The following SLC10A7 variants were observed in gnomAD, a reference collection of about 807,000 sequenced individuals.
SLC10A7 encodes sodium/bile acid cotransporter 7.
A neutral mutation model predicts 43.2 loss-of-function variants in SLC10A7; 29 were observed. The observed-to-expected ratio is 0.67, with a 90% CI of 0.50 to 0.92. The LOEUF (loss-of-function observed/expected upper bound fraction) is 0.92, where lower values mean the gene tolerates loss of function less well. Ranked by LOEUF, SLC10A7 falls within the 40% of genes least tolerant of loss-of-function variation. SLC10A7 has a pLI of 0.00. For synonymous variants in SLC10A7, 152 were observed against 144.8 expected (o/e 1.05, Z -0.35); for missense variants, 295 against 403.2 (o/e 0.73, Z 2.30).
intron 9 of SLC10A7, among the ~76,000 whole-genome samples, chr4:146,288,021 T>C (rs985167380): frequency 2.0e-5 from 3 of 152,180 alleles, no homozygotes; most frequent in African/African-American, 7.2e-5. Flanking sequence ...AAGATACGCT[T>C]ACTTGTCCTC....
chr4:146,333,910 A>G (rs1007358640), intron 5 of SLC10A7, among the ~76,000 whole-genome samples: 1 of 152,160 alleles, frequency 6.6e-6, no homozygotes, highest in South Asian at 2.1e-4. Flanking sequence ...GACTCCAGGC[A>G]GAAGATGATC....
At chr4:146,508,759 T>C (rs1347933221) in intron 3 of SLC10A7, among the ~76,000 whole-genome samples, 1 of 152,194 alleles carries the variant, frequency 6.6e-6, no homozygotes, top group Non-Finnish European at 1.5e-5. Flanking sequence ...CTATCTCTTC[T>C]ACACATAGCT....
intron 6 of SLC10A7, among the ~76,000 whole-genome samples, chr4:146,314,599 G>A (rs939534567): frequency 2.2e-4 from 33 of 152,240 alleles, no homozygotes; most frequent in Admixed American, 1.3e-4. Context: ...TGAGCATGTA[G>A]GCCAATGTTT....
chr4:146,455,635 G>T (rs75205351), intron 4 of SLC10A7, among the ~76,000 whole-genome samples: 22 of 151,680 alleles, frequency 1.5e-4, no homozygotes, highest in African/African-American at 5.1e-4. Context: ...CCATCTTCTG[G>T]GAAATAACTT....
chr4:146,284,455 C>T (rs1173682022), intron 9 of SLC10A7, among the ~76,000 whole-genome samples: 1 of 152,128 alleles, frequency 6.6e-6, no homozygotes, highest in African/African-American at 2.4e-5. Flanking sequence ...CTCAACTCCC[C>T]GCCGGGTTCC....
At chr4:146,498,184 C>A (rs1490123847) in intron 4 of SLC10A7, among the ~76,000 whole-genome samples, 1 of 151,218 alleles carries the variant, frequency 6.6e-6, no homozygotes, top group East Asian at 1.9e-4. Flanking sequence ...ATGGCACAAT[C>A]TTGGCTCACT....
chr4:146,481,043 C>T (rs1415410236), intron 4 of SLC10A7, among the ~76,000 whole-genome samples: 1 of 152,118 alleles, frequency 6.6e-6, no homozygotes, highest in East Asian at 1.9e-4. Context: ...GGTGACACCG[C>T]ATCCTGCCCA....
At chr4:146,356,420 C>G (rs2149755866) in intron 5 of SLC10A7, among the ~76,000 whole-genome samples, 1 of 152,232 alleles carries the variant, frequency 6.6e-6, no homozygotes, top group South Asian at 2.1e-4. Context: ...CTTTGTCACT[C>G]AATTGCATTT....
intron 2 of SLC10A7, chr4:146,514,831 A>C (rs1737800469): frequency 3.1e-6 from 1 of 322,016 alleles, no homozygotes; most frequent in Admixed American, 4.8e-5. Flanking sequence ...AGCAGGCTTT[A>C]GAAGTGGTTT....
Position 146,521,890 on chromosome 4 carries a change from T to C in SLC10A7, c.-173A>G. 6.7e-6 allele frequency: 4 copies of C among 593,082 alleles called. No individual in the cohort carries two copies. The highest frequency in any genetic ancestry group is 3.0e-5 in the Admixed American group (1 of 33,018). 36.7% of individuals were successfully genotyped at this position (593,082 alleles called of 1,614,324 possible). On this transcript the variant is annotated 5_prime_UTR_variant, in exon 1 of 12. Coordinates refer to ENST00000335472, the MANE Select transcript of SLC10A7 (RefSeq NM_001029998.6). Reference sequence around the variant, plus strand: ...GACCTGGGGGTTGCTCCGGCGGCTTTGAGGAGGGTTGGGAGTAGTAGTAGC... The same window carrying C: ...GACCTGGGGGTTGCTCCGGCGGCTTCGAGGAGGGTTGGGAGTAGTAGTAGC...
At chr4:146,519,107 ATATAT>A (rs1560991803) in intron 1 of SLC10A7, among the ~76,000 whole-genome samples, 998 of 30,354 alleles carry the variant, frequency 0.033, 108 homozygotes, top group African/African-American at 0.088. Context: ...ATATATATAT[ATATAT>A]AATATAATAT....
intron 5 of SLC10A7, among the ~76,000 whole-genome samples, chr4:146,350,039 C>G (rs1734927347): frequency 6.6e-6 from 1 of 151,830 alleles, no homozygotes; most frequent in Admixed American, 6.6e-5. Context: ...CCAAGATGGC[C>G]GAATAGGAAC....
intron 4 of SLC10A7, among the ~76,000 whole-genome samples, chr4:146,479,125 T>C (rs1734256479): frequency 1.3e-5 from 2 of 152,174 alleles, no homozygotes; most frequent in Admixed American, 6.5e-5. Flanking sequence ...TTGGATAATG[T>C]ATAAAATCAA....
At position 146,253,997 on chromosome 4, in the gene SLC10A7, A is replaced by ATTC. The variant is rs1214658800; in HGVS notation, c.*2491_*2493dup. 6.6e-6 allele frequency: 1 copy of ATTC among 152,242 alleles called. No homozygotes were observed. The highest frequency in any genetic ancestry group is 2.4e-5 in the African/African-American group (1 of 41,468). 9.4% of individuals were successfully genotyped at this position (152,242 alleles called of 1,614,324 possible). A position where few individuals can be genotyped will look rare whatever the true frequency, so the allele number is the denominator to read the frequency against. ...CAGTTTCTCTTGTGATTTCTGAAACATTCTTTGTTTAATCATATAATTATT... is the reference window on the plus strand; with the variant it reads ...CAGTTTCTCTTGTGATTTCTGAAACATTCTTCTTTGTTTAATCATATAATTATT... On this transcript the variant is annotated 3_prime_UTR_variant, in exon 12 of 12. Transcript: ENST00000335472.
intron 5 of SLC10A7, among the ~76,000 whole-genome samples, chr4:146,380,658 A>G (rs908820342): frequency 1.3e-5 from 2 of 152,176 alleles, no homozygotes; most frequent in Admixed American, 6.6e-5. Flanking sequence ...AATGTAGGCG[A>G]TCCATTGAGA....
chr4:146,374,794 T>C (rs1737067325), intron 5 of SLC10A7, among the ~76,000 whole-genome samples: 1 of 152,152 alleles, frequency 6.6e-6, no homozygotes, highest in African/African-American at 2.4e-5. Flanking sequence ...ATGCTATGAT[T>C]TTCTCAGAAG....
At chr4:146,429,042 C>A (rs1390443523) in intron 5 of SLC10A7, among the ~76,000 whole-genome samples, 1 of 152,034 alleles carries the variant, frequency 6.6e-6, no homozygotes, top group Non-Finnish European at 1.5e-5. Context: ...GAAAAAAAAT[C>A]TTATAAATTA....
rs1191491838 is a variant in SLC10A7 at position 146,521,672 on chromosome 4, T to C, written c.46A>G (p.Ile16Val). 3 of 1,614,210 alleles carry C rather than the reference T, an allele frequency of 1.9e-6. No individual in the cohort carries two copies. Among genetic ancestry groups the C allele is most frequent in the East Asian group, 2.2e-5 (1 of 44,878 alleles). The change falls in exon 1 of 12, where the codon ATA (isoleucine) becomes GTA (valine). Residue 16 changes from isoleucine (I) to valine (V), a missense_variant. Coordinates refer to ENST00000335472, the MANE Select transcript of SLC10A7 (RefSeq NM_001029998.6). ...RMRKDWFMVG[I>V]VLAIAGAKLE... is the part of the protein sequence containing the mutation. The stretch of plus-strand genomic sequence containing the variant: ...TTAGCTCCAGCGATCGCCAGCACTA[T>C]TCCGACCATGAACCAGTCTTTCCTC...
chr4:146,409,177 T>C (rs546897774), intron 5 of SLC10A7, among the ~76,000 whole-genome samples: 2 of 152,226 alleles, frequency 1.3e-5, no homozygotes, highest in African/African-American at 4.8e-5. Flanking sequence ...TCTCAAGCTA[T>C]CTATAAACAT....
Sources: gnomAD v4.1 joint callset for allele counts (sites outside exome capture counted in the v4.1 genomes callset) on GRCh38, gnomAD v4.1.1 for gene constraint, MANE v1.5 for transcripts, NCBI Gene and HGNC (gene_info 2026-07-23, HGNC 2026-07-21) for gene names.